Variants in CNTN1 observed in about 807,000 individuals in gnomAD.
The protein encoded by CNTN1 is contactin-1.
Under a neutral mutation model 126.4 loss-of-function variants are expected in CNTN1, and 38 were observed. That is an observed-to-expected ratio of 0.30 (90% CI 0.23 to 0.39). The LOEUF is 0.39. CNTN1 is among the 10% of genes least tolerant of loss of function. The pLI is 1.00. For synonymous variants in CNTN1, 413 were observed against 422.6 expected, an observed-to-expected ratio of 0.98 and a Z score of 0.28; for missense variants, 1,009 against 1,248.4, an observed-to-expected ratio of 0.81 and a Z score of 2.89.
chr12:40,710,440 T>A (rs943307226), intron 1 of CNTN1, among the ~76,000 whole-genome samples: 2 of 152,104 alleles, frequency 1.3e-5, no homozygotes, highest in African/African-American at 4.8e-5. Context: ...ATGAAAAAGT[T>A]TGAAATATTG....
At chr12:40,920,830 A>G (rs543548732) in intron 4 of CNTN1, among the ~76,000 whole-genome samples, 37 of 152,348 alleles carry the variant, frequency 2.4e-4, no homozygotes, top group Admixed American at 1.0e-3. Flanking sequence ...GCAATAGTCT[A>G]TGTTTCTGAA....
intron 15 of CNTN1, among the ~76,000 whole-genome samples, chr12:40,965,998 C>CCACACACACACACA (rs57532764): frequency 4.6e-4 from 63 of 136,198 alleles, no homozygotes; most frequent in African/African-American, 8.6e-4. Context: ...CCTCATCACA[C>CCACACACACACACA]CACACACACA....
intron 15 of CNTN1, among the ~76,000 whole-genome samples, chr12:40,977,155 TG>T (rs1283761624): frequency 2.0e-5 from 3 of 152,028 alleles, no homozygotes; most frequent in East Asian, 1.9e-4. Context: ...CAACTCAAAA[TG>T]GGGGGCTTCC....
chr12:40,827,179 T>G (rs970924910), intron 1 of CNTN1, among the ~76,000 whole-genome samples: 1 of 99,910 alleles, frequency 1.0e-5, no homozygotes, highest in Non-Finnish European at 2.3e-5. Flanking sequence ...TTAAAGCCTG[T>G]TTTTTTTTTT....
At chr12:41,044,542 C>T (rs1949498822) in intron 23 of CNTN1, among the ~76,000 whole-genome samples, 1 of 151,840 alleles carries the variant, frequency 6.6e-6, no homozygotes, top group African/African-American at 2.4e-5. Context: ...ATTAGTTATT[C>T]CACAATTTTG....
intron 15 of CNTN1, among the ~76,000 whole-genome samples, chr12:40,970,411 G>A (rs936247940): frequency 6.6e-6 from 1 of 151,844 alleles, no homozygotes; most frequent in East Asian, 1.9e-4. Context: ...AATGTCTTAC[G>A]ACCTTTTTTT....
intron 16 of CNTN1, among the ~76,000 whole-genome samples, chr12:40,986,456 G>A (rs1321628197): frequency 6.6e-6 from 1 of 152,166 alleles, no homozygotes; most frequent in Non-Finnish European, 1.5e-5. Flanking sequence ...TAATTCGAAT[G>A]TATGATCAGA....
At chr12:40,871,304 CTA>C (rs1199382519) in intron 1 of CNTN1, among the ~76,000 whole-genome samples, 1 of 150,886 alleles carries the variant, frequency 6.6e-6, no homozygotes, top group Admixed American at 6.6e-5. Flanking sequence ...AGATTGAATA[CTA>C]TGGGACTTAC....
At chr12:41,052,946 TTAAAA>T (rs924010091) in intron 23 of CNTN1, among the ~76,000 whole-genome samples, 3 of 151,842 alleles carry the variant, frequency 2.0e-5, no homozygotes, top group African/African-American at 4.8e-5. Flanking sequence ...GAGAAAATTC[TTAAAA>T]TAAAATGGAC....
chr12:40,890,479 C>A (rs1417967590), intron 1 of CNTN1, among the ~76,000 whole-genome samples: 1 of 152,100 alleles, frequency 6.6e-6, no homozygotes, highest in Admixed American at 6.6e-5. Flanking sequence ...TGTGCCACTG[C>A]ATTCCAGCTC....
intron 1 of CNTN1, among the ~76,000 whole-genome samples, chr12:40,804,447 T>C (rs968025591): frequency 6.6e-6 from 1 of 151,996 alleles, no homozygotes; most frequent in South Asian, 2.1e-4. Flanking sequence ...CAAGAGACTG[T>C]ATGTTTGAAA....
At chr12:40,755,190 C>CAAAAAAAA (rs557970110) in intron 1 of CNTN1, among the ~76,000 whole-genome samples, 36 of 78,198 alleles carry the variant, frequency 4.6e-4, no homozygotes, top group Non-Finnish European at 5.9e-4. Context: ...GACCCCACCT[C>CAAAAAAAA]AAAAAAAAAA....
At chr12:40,904,185 A>AT (rs1944720294) in intron 1 of CNTN1, among the ~76,000 whole-genome samples, 1 of 151,488 alleles carries the variant, frequency 6.6e-6, no homozygotes, top group Admixed American at 6.6e-5. Flanking sequence ...CGCACAGCTA[A>AT]TTTTTTGTAT....
At chr12:40,975,178 TTATATATATATATATATATATATATA>T (rs58939653) in intron 15 of CNTN1, among the ~76,000 whole-genome samples, 29 of 48,676 alleles carry the variant, frequency 6.0e-4, no homozygotes, top group East Asian at 1.4e-3. Context: ...GTAAAATGGA[TTATATATATATATATATATATATATA>T]TATATATATA....
At chr12:40,790,067 G>C (rs1463216758) in intron 1 of CNTN1, among the ~76,000 whole-genome samples, 1 of 152,088 alleles carries the variant, frequency 6.6e-6, no homozygotes, top group Non-Finnish European at 1.5e-5. Flanking sequence ...CCCAGGGCTA[G>C]TGTTAATAGC....
intron 1 of CNTN1, among the ~76,000 whole-genome samples, chr12:40,778,521 T>G (rs781080613): frequency 1.8e-4 from 28 of 151,858 alleles, no homozygotes; most frequent in Admixed American, 1.3e-3. Context: ...CTTTCCATTT[T>G]GCTCAATTCT....
At chr12:40,744,172 AG>A (rs779658263) in intron 1 of CNTN1, among the ~76,000 whole-genome samples, 5 of 152,106 alleles carry the variant, frequency 3.3e-5, no homozygotes, top group African/African-American at 4.8e-5. Context: ...CAGGTTAAAT[AG>A]CAAATGCATG....
chr12:41,058,754 T>C (rs766546626), intron 23 of CNTN1, among the ~76,000 whole-genome samples: 3 of 152,164 alleles, frequency 2.0e-5, no homozygotes, highest in Non-Finnish European at 2.9e-5. Flanking sequence ...CCAAGGTGAT[T>C]AGAATTATTT....
At chr12:40,819,682 G>T (rs1039327639) in intron 1 of CNTN1, among the ~76,000 whole-genome samples, 2 of 152,176 alleles carry the variant, frequency 1.3e-5, no homozygotes, top group African/African-American at 4.8e-5. Context: ...GCAGGCAGCT[G>T]CAGCCAGTGC....
Sources: allele counts gnomAD v4.1 joint callset (sites outside exome capture counted in the v4.1 genomes callset), GRCh38; gene constraint gnomAD v4.1.1; transcripts MANE v1.5; gene names NCBI Gene and HGNC (gene_info 2026-07-23, HGNC 2026-07-21).